The following NAALADL2 variants were observed in gnomAD, a reference collection of about 807,000 sequenced individuals.
NAALADL2 encodes inactive N-acetylated-alpha-linked acidic dipeptidase-like protein 2.
A neutral mutation model predicts 87.2 loss-of-function variants in NAALADL2; 76 were observed. The ratio of observed to expected loss-of-function variants is 0.87; its 90% confidence interval spans 0.72 to 1.05. The LOEUF (loss-of-function observed/expected upper bound fraction) is 1.05. Among genes scored for constraint, NAALADL2 ranks in the 50% least tolerant of loss-of-function variants. The pLI is 0.00. For missense variants in NAALADL2, 1,089 were observed against 945.8 expected (o/e 1.15, Z -1.99); for synonymous variants, 354 against 331.0 (o/e 1.07, Z -0.75).
At chr3:174,964,862 T>C (rs950238488) in intron 1 of NAALADL2, among the ~76,000 whole-genome samples, 1 of 150,064 alleles carries the variant, frequency 6.7e-6, no homozygotes, top group African/African-American at 2.5e-5. Flanking sequence ...TGTGTATATA[T>C]ATGTATATAT....
chr3:175,420,703 G>C (rs1415227960), intron 5 of NAALADL2, among the ~76,000 whole-genome samples: 1 of 151,958 alleles, frequency 6.6e-6, no homozygotes. Flanking sequence ...AACATCTCCT[G>C]TTTCTCAAAC....
At chr3:174,511,090 GA>G (rs573934574) in intron 1 of NAALADL2, among the ~76,000 whole-genome samples, 2 of 151,862 alleles carry the variant, frequency 1.3e-5, no homozygotes, top group South Asian at 2.1e-4. Flanking sequence ...AATTTATTAA[GA>G]TTTTTTTATG....
intron 5 of NAALADL2, among the ~76,000 whole-genome samples, chr3:175,385,861 G>A (rs1461108933): frequency 6.6e-6 from 1 of 152,044 alleles, no homozygotes; most frequent in East Asian, 1.9e-4. Flanking sequence ...TACAAGAGAA[G>A]TGACTACCCC....
chr3:175,067,545 C>A (rs1050102189), intron 1 of NAALADL2, among the ~76,000 whole-genome samples: 1 of 152,044 alleles, frequency 6.6e-6, no homozygotes, highest in Non-Finnish European at 1.5e-5. Flanking sequence ...CAATAAGATA[C>A]CATCTCACAC....
At chr3:174,978,613 T>C (rs766061702) in intron 1 of NAALADL2, among the ~76,000 whole-genome samples, 2 of 152,200 alleles carry the variant, frequency 1.3e-5, no homozygotes, top group Non-Finnish European at 2.9e-5. Context: ...CTATATGTTT[T>C]CCGAATAATA....
Position 175,295,371 on chromosome 3 carries a change from T to A in NAALADL2, c.940-28804T>A, listed in dbSNP as rs150863946. Among the ~76,000 whole-genome samples, 223 of 152,190 alleles carry A rather than the reference T, an allele frequency of 1.5e-3. 1 individual carries two copies. The highest frequency in any genetic ancestry group is 1.4e-3 in the Non-Finnish European group (96 of 68,000). On this transcript the variant is annotated intron_variant, in intron 4 of 13. Transcript: ENST00000454872. The stretch of plus-strand genomic sequence containing the variant: ...TTAGCTCAACCTGGCCAAACCTGAA[T>A]TCGTTTCTTTTCCTGTGCCCTTTCT...
chr3:175,300,684 C>A (rs1318278053), intron 4 of NAALADL2, among the ~76,000 whole-genome samples: 1 of 151,542 alleles, frequency 6.6e-6, no homozygotes, highest in African/African-American at 2.4e-5. Flanking sequence ...CTCTTTTCTT[C>A]TTTATAGTCT....
chr3:175,266,687 C>T (rs986068981), intron 4 of NAALADL2, among the ~76,000 whole-genome samples: 1 of 151,648 alleles, frequency 6.6e-6, no homozygotes, highest in African/African-American at 2.4e-5. Context: ...TAAATTTCGT[C>T]ATATATAAAC....
chr3:174,588,708 A>G (rs1717009774), intron 2 of NAALADL2, among the ~76,000 whole-genome samples: 1 of 152,164 alleles, frequency 6.6e-6, no homozygotes, highest in South Asian at 2.1e-4. Context: ...GCAGAATGGC[A>G]AATGTTGCTT....
intron 10 of NAALADL2, among the ~76,000 whole-genome samples, chr3:175,616,969 T>C (rs1320638983): frequency 6.6e-6 from 1 of 152,118 alleles, no homozygotes; most frequent in East Asian, 1.9e-4. Context: ...GCTTCTGGAT[T>C]AATGTCTGAG....
intron 3 of NAALADL2, among the ~76,000 whole-genome samples, chr3:175,240,516 G>C (rs989479855): frequency 3.3e-5 from 5 of 152,216 alleles, no homozygotes; most frequent in African/African-American, 1.2e-4. Context: ...GGCTCTGAAT[G>C]ATTGCTGTTA....
intron 2 of NAALADL2, among the ~76,000 whole-genome samples, chr3:174,731,587 TTC>T (rs771224241): frequency 3.9e-5 from 6 of 152,276 alleles, no homozygotes; most frequent in Admixed American, 1.3e-4. Context: ...TAATAAATGA[TTC>T]TCTGTTTAAT....
intron 9 of NAALADL2, among the ~76,000 whole-genome samples, chr3:175,565,011 T>G (rs774033678): frequency 3.0e-4 from 46 of 152,226 alleles, no homozygotes; most frequent in Non-Finnish European, 6.2e-4. Flanking sequence ...TATTTTAACT[T>G]CCATTTCTTT....
At chr3:175,652,510 GCT>G (rs1730904087) in intron 11 of NAALADL2, among the ~76,000 whole-genome samples, 1 of 134,328 alleles carries the variant, frequency 7.4e-6, no homozygotes, top group South Asian at 2.3e-4. Flanking sequence ...ATGGAGTCTC[GCT>G]CTGTCGCCCA....
chr3:175,126,290 T>C (rs73176763), intron 2 of NAALADL2, among the ~76,000 whole-genome samples: 12,040 of 152,166 alleles, frequency 0.079, 592 homozygotes, highest in Non-Finnish European at 0.11. Flanking sequence ...TAAATTCTGA[T>C]TGTGCAGACT....
intron 6 of NAALADL2, among the ~76,000 whole-genome samples, chr3:175,457,100 C>T (rs548281814): frequency 1.4e-4 from 22 of 152,000 alleles, no homozygotes; most frequent in African/African-American, 5.1e-4. Flanking sequence ...ACAATTTTTT[C>T]CCCTGTTTGT....
chr3:175,489,140 A>G (rs1415391431), intron 9 of NAALADL2, among the ~76,000 whole-genome samples: 5 of 152,238 alleles, frequency 3.3e-5, no homozygotes, highest in African/African-American at 9.6e-5. Flanking sequence ...AACTAAGGGT[A>G]GCATAAAAAG....
upstream of NAALADL2, among the ~76,000 whole-genome samples, chr3:174,855,881 C>G (rs13316502): frequency 7.7e-3 from 1,081 of 141,210 alleles, 20 homozygotes; most frequent in African/African-American, 0.028. Context: ...TATATACATA[C>G]ATATGAATAT....
At chr3:174,834,428 A>G (rs1723096871) in intron 3 of NAALADL2, among the ~76,000 whole-genome samples, 1 of 151,180 alleles carries the variant, frequency 6.6e-6, no homozygotes, top group Non-Finnish European at 1.5e-5. Context: ...ATTTCTGTCT[A>G]ACGTTGTAAT....
Sources: gnomAD v4.1 joint callset for allele counts (sites outside exome capture counted in the v4.1 genomes callset) on GRCh38, gnomAD v4.1.1 for gene constraint, MANE v1.5 for transcripts, NCBI Gene and HGNC (gene_info 2026-07-23, HGNC 2026-07-21) for gene names.